The following CDH12 variants were observed in gnomAD, a reference collection of about 807,000 sequenced individuals.
CDH12 encodes cadherin 12, also known as cadherin-12.
In CDH12, 41 loss-of-function variants were observed where a neutral mutation model predicts 74.1. That is an observed-to-expected ratio of 0.55 (90% CI 0.43 to 0.72). The LOEUF (loss-of-function observed/expected upper bound fraction) is 0.72. Among genes scored for constraint, CDH12 ranks in the 30% least tolerant of loss-of-function variants. The pLI, the probability that CDH12 is intolerant of heterozygous loss-of-function variation, is 0.00. For missense variants in CDH12, 945 were observed against 977.2 expected (o/e 0.97, Z 0.44); for synonymous variants, 399 against 355.0 (o/e 1.12, Z -1.39).
chr5:21,950,545 A>AAAAAAACAAAAATCAAAAACG (rs1755804132), intron 6 of CDH12, among the ~76,000 whole-genome samples: 1 of 151,736 alleles, frequency 6.6e-6, no homozygotes, highest in South Asian at 2.1e-4. Flanking sequence ...CAGAGTAGTT[A>AAAAAAACAAAAATCAAAAACG]AAAAAACAAA....
At position 21,842,343 on chromosome 5, in the gene CDH12, G is replaced by T; in HGVS notation, c.647-15C>A. The stretch of plus-strand genomic sequence containing the variant: ...TCTAATAACACCTTAAGGGATAAAA[G>T]CAATAATGTAAAATAAATATCACAA... On this transcript the variant is annotated splice_polypyrimidine_tract_variant and intron_variant, in intron 7 of 14. Coordinates refer to ENST00000382254, the MANE Select transcript of CDH12 (RefSeq NM_004061.5). 1.3e-6 allele frequency: 2 copies of T among 1,543,706 alleles called. No homozygotes were observed. Among genetic ancestry groups the T allele is most frequent in the East Asian group, 4.6e-5 (2 of 43,266 alleles).
intron 1 of CDH12, among the ~76,000 whole-genome samples, chr5:22,824,303 A>G (rs1255228085): frequency 6.6e-6 from 1 of 152,162 alleles, no homozygotes; most frequent in African/African-American, 2.4e-5. Flanking sequence ...TCAAGCATAT[A>G]TTTAAGATGA....
chr5:22,668,710 C>G (rs1356538404), intron 1 of CDH12, among the ~76,000 whole-genome samples: 5 of 152,274 alleles, frequency 3.3e-5, no homozygotes, highest in African/African-American at 1.2e-4. Context: ...ATGATTTAAC[C>G]CAACCTCTCA....
intron 1 of CDH12, among the ~76,000 whole-genome samples, chr5:22,783,231 A>G (rs145103817): frequency 1.6e-4 from 24 of 152,212 alleles, no homozygotes; most frequent in African/African-American, 5.1e-4. Context: ...TAAATGTTGT[A>G]TCAGTAGTAA....
intron 3 of CDH12, among the ~76,000 whole-genome samples, chr5:22,370,230 A>C (rs1327668615): frequency 6.6e-6 from 1 of 152,116 alleles, no homozygotes; most frequent in Non-Finnish European, 1.5e-5. Context: ...CCTTTTTTGC[A>C]TTGAAAAGTG....
chr5:22,153,872 G>GTATATATA (rs369725207), intron 4 of CDH12, among the ~76,000 whole-genome samples: 3 of 123,504 alleles, frequency 2.4e-5, no homozygotes, highest in African/African-American at 3.4e-5. Context: ...ATATATATAT[G>GTATATATA]TATATATATA....
chr5:22,720,325 G>A (rs892393464), intron 1 of CDH12, among the ~76,000 whole-genome samples: 4 of 152,036 alleles, frequency 2.6e-5, no homozygotes, highest in Non-Finnish European at 5.9e-5. Flanking sequence ...CTATCACTTT[G>A]TGAAGAAGAC....
chr5:22,390,884 T>C (rs1742219257), intron 3 of CDH12, among the ~76,000 whole-genome samples: 1 of 152,154 alleles, frequency 6.6e-6, no homozygotes, highest in Non-Finnish European at 1.5e-5. Context: ...GCATCTTTAA[T>C]AGATTGACCT....
chr5:22,829,271 A>AT (rs1736472047), intron 1 of CDH12, among the ~76,000 whole-genome samples: 1 of 152,150 alleles, frequency 6.6e-6, no homozygotes, highest in African/African-American at 2.4e-5. Context: ...GCAGTTTAAT[A>AT]TTTTTTAGAG....
chr5:21,819,626 C>T (rs1054407845), intron 8 of CDH12, among the ~76,000 whole-genome samples: 1 of 151,710 alleles, frequency 6.6e-6, no homozygotes, highest in African/African-American at 2.4e-5. Context: ...AAATGGAAGT[C>T]GATGTTGAAT....
chr5:22,526,397 G>T (rs757175126), intron 1 of CDH12, among the ~76,000 whole-genome samples: 1 of 152,148 alleles, frequency 6.6e-6, no homozygotes, highest in Non-Finnish European at 1.5e-5. Flanking sequence ...TAGACCCGGA[G>T]AATGGACATA....
At chr5:21,916,796 C>T (rs924091012) in intron 6 of CDH12, among the ~76,000 whole-genome samples, 3 of 152,206 alleles carry the variant, frequency 2.0e-5, no homozygotes, top group Non-Finnish European at 4.4e-5. Context: ...TCTCAGCAGG[C>T]TCCTAGGAGA....
At chr5:21,825,084 C>G (rs1229139644) in intron 8 of CDH12, among the ~76,000 whole-genome samples, 2 of 149,968 alleles carry the variant, frequency 1.3e-5, no homozygotes, top group Non-Finnish European at 3.0e-5. Flanking sequence ...GCCAGGGAGG[C>G]AGATGTTGCA....
chr5:21,841,432 T>C (rs1266251364), intron 8 of CDH12, among the ~76,000 whole-genome samples: 1 of 151,540 alleles, frequency 6.6e-6, no homozygotes. Context: ...AGTTCGACCA[T>C]TGTGGAAGTC....
At chr5:22,592,581 T>A (rs553861057) in intron 1 of CDH12, among the ~76,000 whole-genome samples, 1 of 152,332 alleles carries the variant, frequency 6.6e-6, no homozygotes, top group Admixed American at 6.5e-5. Context: ...TTAGTATTTT[T>A]AAACCTTTCT....
intron 3 of CDH12, among the ~76,000 whole-genome samples, chr5:22,244,546 G>A: frequency 5.1e-5 from 4 of 78,762 alleles, no homozygotes; most frequent in Admixed American, 1.8e-4. Flanking sequence ...AGAAGAAGAA[G>A]AAGAAGAAGA....
intron 1 of CDH12, among the ~76,000 whole-genome samples, chr5:22,749,988 C>G (rs1459750291): frequency 6.6e-6 from 1 of 152,184 alleles, no homozygotes; most frequent in African/African-American, 2.4e-5. Flanking sequence ...CATTTACCAC[C>G]TATTCCTTAA....
At chr5:22,572,426 C>T (rs901547789) in intron 1 of CDH12, among the ~76,000 whole-genome samples, 1 of 152,018 alleles carries the variant, frequency 6.6e-6, no homozygotes, top group Non-Finnish European at 1.5e-5. Context: ...AATGAAATTA[C>T]TTATTTTATT....
intron 4 of CDH12, among the ~76,000 whole-genome samples, chr5:22,157,556 A>G (rs1208546367): frequency 6.6e-6 from 1 of 151,150 alleles, no homozygotes; most frequent in Non-Finnish European, 1.5e-5. Flanking sequence ...ATACAAGAAG[A>G]TAGACATTTA....
Sources: gnomAD v4.1 joint callset for allele counts (sites outside exome capture counted in the v4.1 genomes callset) on GRCh38, gnomAD v4.1.1 for gene constraint, MANE v1.5 for transcripts, NCBI Gene and HGNC (gene_info 2026-07-23, HGNC 2026-07-21) for gene names.